STK32C: variants seen among roughly 807,000 people sequenced by gnomAD.
STK32C encodes the protein serine/threonine kinase 32C.
A neutral mutation model predicts 56.5 loss-of-function variants in STK32C; 31 were observed. That is an observed-to-expected ratio of 0.55 (90% CI 0.41 to 0.74). The LOEUF is 0.74. Ranked by LOEUF, STK32C falls within the 30% of genes least tolerant of loss-of-function variation. STK32C has a pLI of 0.00. For synonymous variants in STK32C, 309 were observed against 289.4 expected, an observed-to-expected ratio of 1.07 and a Z score of -0.69; for missense variants, 544 against 676.9, an observed-to-expected ratio of 0.80 and a Z score of 2.18.
chr10:132,275,647 A>C (rs2064973562), intron 1 of STK32C, among the ~76,000 whole-genome samples: 1 of 152,204 alleles, frequency 6.6e-6, no homozygotes, highest in Non-Finnish European at 1.5e-5. Context: ...AGCGCAGTGC[A>C]GAGCCACCCA....
At chr10:132,240,930 G>A (rs187854192) in intron 2 of STK32C, among the ~76,000 whole-genome samples, 4 of 152,192 alleles carry the variant, frequency 2.6e-5, no homozygotes, top group South Asian at 4.1e-4. Context: ...CTAGAGACAC[G>A]CCTCTGCCTC....
intron 1 of STK32C, among the ~76,000 whole-genome samples, chr10:132,288,818 T>C (rs1312628261): frequency 1.3e-5 from 2 of 152,140 alleles, no homozygotes; most frequent in Non-Finnish European, 2.9e-5. Flanking sequence ...CCTCAATAAA[T>C]GGAGAGATGT....
intron 1 of STK32C, among the ~76,000 whole-genome samples, chr10:132,318,165 T>A (rs184731472): frequency 1.2e-4 from 17 of 146,816 alleles, no homozygotes; most frequent in African/African-American, 3.3e-4. Context: ...CTACTTGGGA[T>A]GCTGAGGCAG....
At chr10:132,265,594 G>A (rs576402392) in intron 1 of STK32C, among the ~76,000 whole-genome samples, 134 of 152,268 alleles carry the variant, frequency 8.8e-4, no homozygotes, top group African/African-American at 2.5e-3. Context: ...TTCATGGCTC[G>A]GGACAATGTC....
At chr10:132,259,030 T>G (rs2064219805) in intron 1 of STK32C, among the ~76,000 whole-genome samples, 1 of 129,310 alleles carries the variant, frequency 7.7e-6, no homozygotes, top group South Asian at 2.9e-4. Flanking sequence ...CTTGGGAGGC[T>G]GCTGCACCGG....
chr10:132,278,907 G>A (rs74161764), intron 1 of STK32C, among the ~76,000 whole-genome samples: 10,937 of 152,130 alleles, frequency 0.072, 603 homozygotes, highest in African/African-American at 0.15. Flanking sequence ...CAGAGGCCAC[G>A]AGGGCCACTC....
At chr10:132,285,993 G>A (rs2065390114) in intron 1 of STK32C, among the ~76,000 whole-genome samples, 1 of 152,092 alleles carries the variant, frequency 6.6e-6, no homozygotes, top group African/African-American at 2.4e-5. Flanking sequence ...AGGCTTGGTG[G>A]CGGGCGCCTG....
At chr10:132,331,669 C>A (rs1282816835) in exon 1 of STK32C, 13 of 1,612,738 alleles carry the variant, frequency 8.1e-6, no homozygotes, top group African/African-American at 1.3e-5. Context: ...CAATTCTTTT[C>A]TGCTCGGCTG....
intron 2 of STK32C, among the ~76,000 whole-genome samples, chr10:132,243,401 T>G: frequency 6.7e-6 from 1 of 150,028 alleles, no homozygotes; most frequent in South Asian, 2.1e-4. Flanking sequence ...GGGTGGAGAG[T>G]GGGCTGGACG....
chr10:132,286,051 G>A (rs997276293), intron 1 of STK32C, among the ~76,000 whole-genome samples: 4 of 152,016 alleles, frequency 2.6e-5, no homozygotes, highest in South Asian at 4.2e-4. Flanking sequence ...GCGTGAACCC[G>A]GGAAGTGGAG....
intron 1 of STK32C, among the ~76,000 whole-genome samples, chr10:132,283,679 G>A (rs1482236785): frequency 6.6e-6 from 1 of 152,316 alleles, no homozygotes; most frequent in Non-Finnish European, 1.5e-5. Context: ...GAGGAGGAGG[G>A]AGAGGCCGCG....
chr10:132,230,208 T>C (rs1182012549), intron 2 of STK32C, among the ~76,000 whole-genome samples: 1 of 152,250 alleles, frequency 6.6e-6, no homozygotes, highest in South Asian at 2.1e-4. Flanking sequence ...TTTTTTAAAT[T>C]GTTATTTTGA....
intron 1 of STK32C, among the ~76,000 whole-genome samples, chr10:132,264,450 T>C (rs1436335666): frequency 6.6e-6 from 1 of 151,966 alleles, no homozygotes; most frequent in Non-Finnish European, 1.5e-5. Context: ...CACAGGGAGC[T>C]GGGGACCTTG....
chr10:132,234,238 C>T (rs543614751), intron 2 of STK32C, among the ~76,000 whole-genome samples: 2 of 152,286 alleles, frequency 1.3e-5, no homozygotes, highest in South Asian at 4.1e-4. Flanking sequence ...GGCCACCCTC[C>T]ATGCTGCCCG....
intron 2 of STK32C, among the ~76,000 whole-genome samples, chr10:132,234,119 T>C (rs545283656): frequency 3.3e-4 from 51 of 152,300 alleles, no homozygotes; most frequent in African/African-American, 1.2e-3. Flanking sequence ...ACTCTCCCAC[T>C]TGGGGATAAC....
At chr10:132,244,037 C>T (rs551765485) in intron 2 of STK32C, among the ~76,000 whole-genome samples, 4 of 152,330 alleles carry the variant, frequency 2.6e-5, no homozygotes, top group African/African-American at 9.6e-5. Context: ...CAACCACACG[C>T]AGAACCACCC....
chr10:132,273,305 G>A (rs927089893), intron 1 of STK32C, among the ~76,000 whole-genome samples: 13 of 151,984 alleles, frequency 8.6e-5, no homozygotes, highest in South Asian at 2.1e-4. Flanking sequence ...TCCTGTGAAC[G>A]GGCTCTAAGT....
chr10:132,283,687 G>A (rs537723057), intron 1 of STK32C, among the ~76,000 whole-genome samples: 96 of 152,270 alleles, frequency 6.3e-4, no homozygotes, highest in African/African-American at 2.0e-3. Flanking sequence ...GGGAGAGGCC[G>A]CGGGCTGTCA....
At chr10:132,234,610 G>A (rs977961636) in intron 2 of STK32C, among the ~76,000 whole-genome samples, 8 of 152,114 alleles carry the variant, frequency 5.3e-5, no homozygotes, top group South Asian at 4.1e-4. Flanking sequence ...CTGAGCTTCC[G>A]GCCCCTTCAT....
Sources: gnomAD v4.1 joint callset for allele counts (sites outside exome capture counted in the v4.1 genomes callset) on GRCh38, gnomAD v4.1.1 for gene constraint, MANE v1.5 for transcripts, NCBI Gene and HGNC (gene_info 2026-07-23, HGNC 2026-07-21) for gene names.